Variants in CEP112 observed in about 807,000 individuals in gnomAD.
CEP112 encodes centrosomal protein of 112 kDa.
Under a neutral mutation model 153.0 loss-of-function variants are expected in CEP112, and 127 were observed. The ratio of observed to expected loss-of-function variants is 0.83; its 90% CI spans 0.72 to 0.96. The LOEUF (loss-of-function observed/expected upper bound fraction) is 0.96, where lower values mean the gene tolerates loss of function less well. Ranked by LOEUF, CEP112 falls within the 40% of genes least tolerant of loss-of-function variation. The pLI is 0.00. For missense variants in CEP112, 1,089 were observed against 1,101.2 expected (o/e 0.99, Z 0.16); for synonymous variants, 358 against 374.4 (o/e 0.96, Z 0.51).
At chr17:65,775,833 T>A (rs190573637) in intron 21 of CEP112, among the ~76,000 whole-genome samples, 1 of 152,310 alleles carries the variant, frequency 6.6e-6, no homozygotes, top group Non-Finnish European at 1.5e-5. Context: ...TATTATTTCA[T>A]CATGTGAGTT....
At chr17:66,155,565 A>G (rs550453420) in intron 4 of CEP112, among the ~76,000 whole-genome samples, 44 of 152,060 alleles carry the variant, frequency 2.9e-4, no homozygotes, top group African/African-American at 1.0e-3. Flanking sequence ...CTCCCCTGGA[A>G]AGGGGGCTGA....
At chr17:65,937,306 G>A (rs1400948751) in intron 18 of CEP112, among the ~76,000 whole-genome samples, 3 of 99,770 alleles carry the variant, frequency 3.0e-5, no homozygotes, top group African/African-American at 9.6e-5. Context: ...ATCTCTGCCC[G>A]GCCGCCATCC....
intron 17 of CEP112, among the ~76,000 whole-genome samples, chr17:65,970,085 C>A (rs1015101716): frequency 6.6e-6 from 1 of 152,190 alleles, no homozygotes; most frequent in Non-Finnish European, 1.5e-5. Context: ...TGCATGCCAC[C>A]TGCATATTAC....
intron 21 of CEP112, among the ~76,000 whole-genome samples, chr17:65,832,598 C>T (rs760231120): frequency 7.2e-5 from 11 of 151,908 alleles, no homozygotes; most frequent in Non-Finnish European, 1.6e-4. Flanking sequence ...AACTAGAACA[C>T]CTAGAAGAGA....
intron 24 of CEP112, among the ~76,000 whole-genome samples, chr17:65,673,979 C>A (rs573585588): frequency 1.6e-4 from 24 of 152,258 alleles, no homozygotes; most frequent in African/African-American, 5.8e-4. Flanking sequence ...TGGGTTCAAG[C>A]CATTCTCCTG....
At chr17:66,096,023 C>T (rs1014729993) in intron 8 of CEP112, among the ~76,000 whole-genome samples, 8 of 152,102 alleles carry the variant, frequency 5.3e-5, no homozygotes, top group African/African-American at 1.7e-4. Context: ...GATCACACCA[C>T]TGCACTCCAG....
intron 1 of CEP112, among the ~76,000 whole-genome samples, chr17:66,186,276 T>C (rs2146937611): frequency 6.6e-6 from 1 of 152,218 alleles, no homozygotes; most frequent in South Asian, 2.1e-4. Context: ...ACTAGCCTCT[T>C]GTCCTCTTTT....
intron 4 of CEP112, among the ~76,000 whole-genome samples, chr17:66,138,528 A>G (rs1395051588): frequency 6.6e-6 from 1 of 152,236 alleles, no homozygotes; most frequent in Non-Finnish European, 1.5e-5. Flanking sequence ...TTTGTTAATG[A>G]ATACAGAATA....
At chr17:66,110,363 G>T (rs1257307866) in intron 6 of CEP112, among the ~76,000 whole-genome samples, 2 of 150,958 alleles carry the variant, frequency 1.3e-5, no homozygotes, top group South Asian at 2.1e-4. Flanking sequence ...AAAAAGAAAA[G>T]AAAAGATACA....
At chr17:65,755,289 G>A (rs906746262) in intron 21 of CEP112, among the ~76,000 whole-genome samples, 3 of 152,082 alleles carry the variant, frequency 2.0e-5, no homozygotes, top group Non-Finnish European at 4.4e-5. Flanking sequence ...CCCAGAGCAG[G>A]AGAAAGAGAG....
At chr17:65,637,046 C>A in intron 26 of CEP112, 78 bp downstream of exon 26, 2 of 1,103,792 alleles carry the variant, frequency 1.8e-6, no homozygotes, top group Non-Finnish European at 2.7e-6. Context: ...TTAATAAAGA[C>A]AAAGGCCAGA....
chr17:66,053,316 A>G (rs146828155), intron 12 of CEP112, among the ~76,000 whole-genome samples: 1 of 152,132 alleles, frequency 6.6e-6, no homozygotes, highest in African/African-American at 2.4e-5. Flanking sequence ...CCTGGCCAAC[A>G]TGGTGAAACC....
At chr17:66,029,047 T>C in intron 14 of CEP112, 76 bp downstream of exon 14, 1 of 1,121,248 alleles carries the variant, frequency 8.9e-7, no homozygotes, top group Admixed American at 2.5e-5. Flanking sequence ...GCCAAATAAT[T>C]TCTACTTGGC....
intron 17 of CEP112, among the ~76,000 whole-genome samples, chr17:65,979,200 A>G (rs8080691): frequency 0.065 from 9,784 of 151,108 alleles, 450 homozygotes; most frequent in South Asian, 0.12. Flanking sequence ...AGAAAATTAT[A>G]TTCAGAGGTT....
intron 18 of CEP112, among the ~76,000 whole-genome samples, chr17:65,930,581 G>A (rs1355959856): frequency 6.6e-6 from 1 of 152,188 alleles, no homozygotes; most frequent in Non-Finnish European, 1.5e-5. Flanking sequence ...TAAGATTACT[G>A]ATTCATAGAT....
rs191364074 is a variant in CEP112, at chr17:66,094,055, A to T, written c.768+2196T>A. Among the ~76,000 whole-genome samples the T allele has an allele frequency of 5.9e-4, 90 of 151,950 alleles. 2 individuals carry two copies. Among genetic ancestry groups the T allele is most frequent in the South Asian group, 5.2e-3 (25 of 4,798 alleles). On this transcript the variant is annotated intron_variant, in intron 8 of 26. Transcript: ENST00000535342. ...GTGTCAACTGATTTTCATTATTATT[A>T]TTTTTATTTATTTATTTATTTTGAG...
At chr17:65,950,708 G>T (rs200913946) in intron 18 of CEP112, among the ~76,000 whole-genome samples, 683 of 61,518 alleles carry the variant, frequency 0.011, 3 homozygotes, top group South Asian at 0.098. Context: ...ACTAGTAGTA[G>T]TAGTAGTAGT....
intron 23 of CEP112, among the ~76,000 whole-genome samples, chr17:65,740,787 C>T (rs779446861): frequency 3.9e-5 from 6 of 152,174 alleles, no homozygotes; most frequent in Non-Finnish European, 7.4e-5. Flanking sequence ...CTGTGCCTCT[C>T]TCTGAGTATC....
chr17:65,779,339 G>A (rs936426432), intron 21 of CEP112, among the ~76,000 whole-genome samples: 1 of 152,144 alleles, frequency 6.6e-6, no homozygotes, highest in Non-Finnish European at 1.5e-5. Context: ...CTTGAAAAGA[G>A]TAATCGAGAC....
Sources: allele counts gnomAD v4.1 joint callset (sites outside exome capture counted in the v4.1 genomes callset), GRCh38; gene constraint gnomAD v4.1.1; transcripts MANE v1.5; gene names NCBI Gene and HGNC (gene_info 2026-07-23, HGNC 2026-07-21).